Variants in LHPP observed in about 807,000 individuals in gnomAD.
LHPP encodes phospholysine phosphohistidine inorganic pyrophosphate phosphatase, also known as hLHPP.
LHPP carries 24 observed loss-of-function variants against 30.3 expected under a neutral mutation model. That is an observed-to-expected ratio of 0.79 (90% CI 0.57 to 1.11). LHPP has a LOEUF of 1.11. Ranked by LOEUF, LHPP falls within the 50% of genes most tolerant of loss-of-function variation. The pLI is 0.00. For synonymous variants in LHPP, 150 were observed against 157.1 expected, an observed-to-expected ratio of 0.95 and a Z score of 0.34; for missense variants, 356 against 367.2, an observed-to-expected ratio of 0.97 and a Z score of 0.25.
intron 6 of LHPP, among the ~76,000 whole-genome samples, chr10:124,586,776 A>C (rs1948810052): frequency 6.6e-6 from 1 of 151,940 alleles, no homozygotes; most frequent in African/African-American, 2.4e-5. Context: ...TTACGCAAAA[A>C]AATTATGCAG....
intron 6 of LHPP, among the ~76,000 whole-genome samples, chr10:124,582,547 A>G (rs1948756013): frequency 6.7e-6 from 1 of 148,926 alleles, no homozygotes; most frequent in Admixed American, 6.6e-5. Flanking sequence ...TATGCAGTAG[A>G]AAATCTGTAT....
rs540610185 is a variant in LHPP, at chr10:124,509,714, T to G, written c.625-7466T>G. On this transcript the variant is annotated intron_variant, in intron 5 of 6. Coordinates refer to ENST00000368842, the MANE Select transcript of LHPP (RefSeq NM_022126.4). ...TGGGGCCTGGATTCAGGGCTCATCC[T>G]AGAGTGAGCTGTCATCTCAGGGCAT... Among the ~76,000 whole-genome samples, 4 of 152,182 alleles carry G rather than the reference T, an allele frequency of 2.6e-5. No individual in the cohort carries two copies. In the East Asian group the frequency reaches 7.7e-4, roughly 29 times the overall value.
intron 6 of LHPP, among the ~76,000 whole-genome samples, chr10:124,578,555 G>T (rs940896235): frequency 6.6e-6 from 1 of 152,258 alleles, no homozygotes; most frequent in African/African-American, 2.4e-5. Context: ...GAGGCACAGG[G>T]TGTTGGGGAG....
intron 5 of LHPP, among the ~76,000 whole-genome samples, chr10:124,508,623 T>G (rs1954223676): frequency 6.6e-6 from 1 of 151,886 alleles, no homozygotes; most frequent in South Asian, 2.1e-4. Context: ...TTTATTTTCT[T>G]CTCAAAACAC....
At chr10:124,504,113 A>G (rs1290813034) in intron 5 of LHPP, among the ~76,000 whole-genome samples, 1 of 151,886 alleles carries the variant, frequency 6.6e-6, no homozygotes, top group Non-Finnish European at 1.5e-5. Context: ...AATCACTTGA[A>G]CCCAGGAGGC....
chr10:124,486,780 T>C (rs1188698109), intron 2 of LHPP, among the ~76,000 whole-genome samples: 1 of 152,156 alleles, frequency 6.6e-6, no homozygotes, highest in African/African-American at 2.4e-5. Flanking sequence ...CAGAAACAGG[T>C]GTTCACTGTA....
At chr10:124,481,823 C>T (rs746699673) in intron 1 of LHPP, among the ~76,000 whole-genome samples, 3 of 152,306 alleles carry the variant, frequency 2.0e-5, no homozygotes, top group Non-Finnish European at 4.4e-5. Flanking sequence ...TGGCCCTTCC[C>T]ACCACCTGGC....
Position 124,613,917 on chromosome 10 carries a change from A to G in LHPP, c.*557A>G, listed in dbSNP as rs919079295. 2 of 153,674 alleles carry G rather than the reference A, an allele frequency of 1.3e-5. No homozygotes were observed. Among genetic ancestry groups the G allele is most frequent in the Admixed American group, 6.4e-5 (1 of 15,504 alleles). The allele number at this position is 153,674 out of a possible 1,614,324, so 9.5% of individuals were successfully genotyped here. On this transcript the variant is annotated 3_prime_UTR_variant, in exon 7 of 7. Coordinates refer to ENST00000368842, the MANE Select transcript of LHPP (RefSeq NM_022126.4). ...ACCACCCCACCCCCGAAACAATGCC[A>G]GCCCGCTGCTTTTTCTATCCTCCCA... is the stretch of plus-strand genomic sequence containing the variant.
intron 1 of LHPP, among the ~76,000 whole-genome samples, chr10:124,463,730 ACTC>A (rs1269088322): frequency 6.8e-6 from 1 of 147,904 alleles, no homozygotes; most frequent in Non-Finnish European, 1.5e-5. Flanking sequence ...GTGGTCTTGA[ACTC>A]CTTGGCTCAG....
chr10:124,466,269 G>GT (rs1952550260), intron 1 of LHPP, among the ~76,000 whole-genome samples: 1 of 152,162 alleles, frequency 6.6e-6, no homozygotes, highest in Admixed American at 6.5e-5. Context: ...ACGGTGCGCT[G>GT]TTTCTGGTAT....
chr10:124,582,091 A>G (rs1948750767), intron 6 of LHPP, among the ~76,000 whole-genome samples: 1 of 133,478 alleles, frequency 7.5e-6, no homozygotes, highest in South Asian at 2.3e-4. Flanking sequence ...CTATTTATAT[A>G]TATATTTTTT....
At chr10:124,566,855 C>G (rs954354040) in intron 6 of LHPP, among the ~76,000 whole-genome samples, 1 of 152,142 alleles carries the variant, frequency 6.6e-6, no homozygotes, top group African/African-American at 2.4e-5. Flanking sequence ...CAGAAGCCTC[C>G]CTCCCAAGGT....
At chr10:124,518,560 C>T (rs972784060) in intron 6 of LHPP, among the ~76,000 whole-genome samples, 15 of 152,246 alleles carry the variant, frequency 9.9e-5, no homozygotes, top group Admixed American at 2.0e-4. Context: ...ACCTGTGACC[C>T]GTGAGCACAA....
chr10:124,525,316 G>A lies in LHPP; in HGVS notation c.716+8045G>A, dbSNP rs573239217. On this transcript the variant is annotated intron_variant, in intron 6 of 6. Coordinates refer to ENST00000368842, the MANE Select transcript of LHPP (RefSeq NM_022126.4). ...TGGTTTTTGTCTCCTGGACACATGG[G>A]CGTGAGTCCTTCTGGGGCGGATCTG... Among the ~76,000 whole-genome samples the A allele has an allele frequency of 2.5e-4, 38 of 152,344 alleles. 1 individual carries two copies. In the South Asian group the frequency reaches 7.9e-3, roughly 32 times the overall value.
In LHPP at chr10:124,541,818, C is replaced by G. The variant is rs12359530; in HGVS notation, c.716+24547C>G. Among the ~76,000 whole-genome samples, 1 of 152,010 alleles carries G rather than the reference C, an allele frequency of 6.6e-6. No homozygotes were observed. The highest frequency in any genetic ancestry group is 2.4e-5 in the African/African-American group (1 of 41,420). On this transcript the variant is annotated intron_variant, in intron 6 of 6. Coordinates refer to ENST00000368842, the MANE Select transcript of LHPP (RefSeq NM_022126.4). This position sits in a 1 kb window ranked among gnomAD's most constrained non-coding sequence, Gnocchi z 4.2. ...GGAGACCAGAGTGGAGTGGGCTGGGCGGGCCAGGCCCCGGCCCAGATGGGG... is the reference window on the plus strand; with the variant it reads ...GGAGACCAGAGTGGAGTGGGCTGGGGGGGCCAGGCCCCGGCCCAGATGGGG...
At chr10:124,543,917 C>T (rs1955267233) in intron 6 of LHPP, among the ~76,000 whole-genome samples, 1 of 152,132 alleles carries the variant, frequency 6.6e-6, no homozygotes, top group Non-Finnish European at 1.5e-5. Flanking sequence ...AAAAAACAAA[C>T]AAACAAAAAA....
chr10:124,575,318 G>A (rs964531453), intron 6 of LHPP, among the ~76,000 whole-genome samples: 3 of 152,118 alleles, frequency 2.0e-5, no homozygotes, highest in Non-Finnish European at 4.4e-5. Flanking sequence ...ACCATGGGGA[G>A]CATCCGACAA....
chr10:124,563,590 G>A (rs886238413), intron 6 of LHPP, among the ~76,000 whole-genome samples: 3 of 152,080 alleles, frequency 2.0e-5, no homozygotes, highest in Admixed American at 1.3e-4. Flanking sequence ...TTATTTCACT[G>A]TATCAATGTC....
At chr10:124,546,548 G>A (rs1315411900) in intron 6 of LHPP, among the ~76,000 whole-genome samples, 5 of 152,272 alleles carry the variant, frequency 3.3e-5, no homozygotes, top group Admixed American at 1.3e-4. Flanking sequence ...GACTACAGGT[G>A]CCTGCCACCA....
Sources: allele counts gnomAD v4.1 joint callset (sites outside exome capture counted in the v4.1 genomes callset), GRCh38; gene constraint gnomAD v4.1.1; non-coding constraint Gnocchi (gnomAD v3.1); transcripts MANE v1.5; gene names NCBI Gene and HGNC (gene_info 2026-07-23, HGNC 2026-07-21).